Variants in GRK5 observed in about 807,000 individuals in gnomAD.
GRK5 encodes the protein g protein-coupled receptor kinase GRK5.
Under a neutral mutation model 78.4 loss-of-function variants are expected in GRK5, and 40 were observed. The observed-to-expected ratio is 0.51, with a 90% confidence interval of 0.40 to 0.66. The LOEUF is 0.66. Among genes scored for constraint, GRK5 ranks in the 30% least tolerant of loss-of-function variants. The pLI, the probability that GRK5 is intolerant of heterozygous loss-of-function variation, is 0.00. For synonymous variants in GRK5, 289 were observed against 296.8 expected, an observed-to-expected ratio of 0.97 and a Z score of 0.27; for missense variants, 598 against 759.9, an observed-to-expected ratio of 0.79 and a Z score of 2.50.
At chr10:119,258,576 T>C (rs1455006334) in intron 1 of GRK5, among the ~76,000 whole-genome samples, 1 of 152,254 alleles carries the variant, frequency 6.6e-6, no homozygotes, top group African/African-American at 2.4e-5. Flanking sequence ...TCTTTCATTA[T>C]GTTCTAGGCT....
At chr10:119,248,306 G>A (rs192167507) in intron 1 of GRK5, among the ~76,000 whole-genome samples, 1 of 152,134 alleles carries the variant, frequency 6.6e-6, no homozygotes, top group Non-Finnish European at 1.5e-5. Flanking sequence ...AGCCACTATC[G>A]CTGGCTGTTG....
chr10:119,293,726 G>T (rs567785401), intron 1 of GRK5, among the ~76,000 whole-genome samples: 127 of 151,654 alleles, frequency 8.4e-4, no homozygotes, highest in African/African-American at 3.0e-3. Flanking sequence ...TGCCTGGGTG[G>T]TGCTGCCTCT....
intron 1 of GRK5, among the ~76,000 whole-genome samples, chr10:119,284,787 G>A (rs992424163): frequency 1.3e-5 from 2 of 152,210 alleles, no homozygotes; most frequent in Middle Eastern, 3.2e-3. Context: ...GTGACACCAC[G>A]TGTCTCTCCC....
chr10:119,447,992 G>A, intron 12 of GRK5, 131 bp from the exon 13 acceptor site: 2 of 1,167,178 alleles, frequency 1.7e-6, no homozygotes, highest in South Asian at 3.8e-5. Flanking sequence ...AGGCAGCCCT[G>A]AAGCAAGACC....
chr10:119,279,927 C>T (rs546860419), intron 1 of GRK5, among the ~76,000 whole-genome samples: 30 of 152,230 alleles, frequency 2.0e-4, no homozygotes, highest in South Asian at 1.0e-3. Flanking sequence ...AGGAGGAGGG[C>T]GCATGATGCC....
In GRK5 at chr10:119,453,136, C is replaced by G; in HGVS notation, c.1543-9C>G. On this transcript the variant is annotated splice_polypyrimidine_tract_variant and intron_variant, in intron 14 of 15. Transcript: ENST00000392870. ...GACGGCCTGTGTTTTGTTTTCACGGCCCCTCCAGATGATAGAAACAGAATG... is the reference window on the plus strand; with the variant it reads ...GACGGCCTGTGTTTTGTTTTCACGGGCCCTCCAGATGATAGAAACAGAATG... 1 of 1,503,278 alleles carries G rather than the reference C, an allele frequency of 6.7e-7. No homozygotes were observed. Among genetic ancestry groups the G allele is most frequent in the South Asian group, 1.1e-5 (1 of 88,960 alleles). The allele number at this position is 1,503,278 out of a possible 1,614,324, so 93.1% of individuals were successfully genotyped here.
At chr10:119,306,014 G>A (rs1215565279) in intron 1 of GRK5, among the ~76,000 whole-genome samples, 1 of 152,152 alleles carries the variant, frequency 6.6e-6, no homozygotes, top group African/African-American at 2.4e-5. Flanking sequence ...GAAAGGCTCC[G>A]TGTTGAGCCC....
At chr10:119,247,793 C>T (rs75529484) in intron 1 of GRK5, among the ~76,000 whole-genome samples, 3,219 of 152,254 alleles carry the variant, frequency 0.021, 58 homozygotes, top group Admixed American at 0.054. Context: ...ACTAGTACCT[C>T]AATCATTTTC....
At chr10:119,374,462 G>A (rs555715138) in intron 2 of GRK5, among the ~76,000 whole-genome samples, 2 of 152,282 alleles carry the variant, frequency 1.3e-5, no homozygotes, top group African/African-American at 2.4e-5. Context: ...GTGAGGACAG[G>A]GGCCCCTTGG....
chr10:119,403,348 G>A (rs920802772), intron 4 of GRK5, among the ~76,000 whole-genome samples: 107 of 152,048 alleles, frequency 7.0e-4, no homozygotes, highest in African/African-American at 2.4e-3. Flanking sequence ...TGTATTTTTA[G>A]TAGAGACGGG....
chr10:119,308,336 C>T (rs375007779), intron 1 of GRK5, among the ~76,000 whole-genome samples: 2 of 151,634 alleles, frequency 1.3e-5, no homozygotes, highest in African/African-American at 2.4e-5. Flanking sequence ...TGCTGCAGCC[C>T]TGCCGAAATT....
chr10:119,442,484 T>C (rs1853057718), intron 11 of GRK5, among the ~76,000 whole-genome samples: 1 of 152,142 alleles, frequency 6.6e-6, no homozygotes, highest in Non-Finnish European at 1.5e-5. Context: ...ACAGCTGCTG[T>C]GTCACCAAGC....
At chr10:119,414,371 G>A (rs1323192572) in intron 4 of GRK5, among the ~76,000 whole-genome samples, 1 of 152,280 alleles carries the variant, frequency 6.6e-6, no homozygotes, top group Non-Finnish European at 1.5e-5. Flanking sequence ...TATGTTGGAC[G>A]TTAGCGTGTG....
At chr10:119,409,521 G>C (rs529119197) in intron 4 of GRK5, among the ~76,000 whole-genome samples, 117 of 152,298 alleles carry the variant, frequency 7.7e-4, no homozygotes, top group African/African-American at 2.8e-3. Context: ...TTGGAGTGGC[G>C]GCAGACAGAA....
At chr10:119,377,001 C>T (rs760618690) in intron 2 of GRK5, among the ~76,000 whole-genome samples, 5 of 152,106 alleles carry the variant, frequency 3.3e-5, no homozygotes, top group Admixed American at 3.3e-4. Flanking sequence ...TATGTGCGTG[C>T]GTGTGTGTGG....
intron 1 of GRK5, among the ~76,000 whole-genome samples, chr10:119,276,528 C>G (rs543871720): frequency 5.9e-5 from 9 of 152,196 alleles, no homozygotes; most frequent in African/African-American, 2.2e-4. Flanking sequence ...GGTTCCAAGT[C>G]TTTGCTATTG....
chr10:119,331,171 GTCCATAAACTGGCC>G (rs1850771236), intron 2 of GRK5, among the ~76,000 whole-genome samples: 1 of 152,222 alleles, frequency 6.6e-6, no homozygotes, highest in South Asian at 2.1e-4. Context: ...GTCCTTCTAG[GTCCATAAACTGGCC>G]TCTTGGCAGG....
At chr10:119,285,192 C>G (rs1849827311) in intron 1 of GRK5, among the ~76,000 whole-genome samples, 1 of 152,110 alleles carries the variant, frequency 6.6e-6, no homozygotes, top group African/African-American at 2.4e-5. Flanking sequence ...CTGGGGGCAA[C>G]CAGTACTAGG....
At chr10:119,299,618 C>T (rs1175751089) in intron 1 of GRK5, among the ~76,000 whole-genome samples, 2 of 152,030 alleles carry the variant, frequency 1.3e-5, no homozygotes, top group Admixed American at 6.6e-5. Flanking sequence ...CTGCAGGGTC[C>T]TGTTGAAAGA....
Sources: allele counts gnomAD v4.1 joint callset (sites outside exome capture counted in the v4.1 genomes callset), GRCh38; gene constraint gnomAD v4.1.1; transcripts MANE v1.5; gene names NCBI Gene and HGNC (gene_info 2026-07-23, HGNC 2026-07-21).